Variants in POU6F2 observed in about 807,000 individuals in gnomAD.
POU6F2 encodes the protein POU domain, class 6, transcription factor 2.
Under a neutral mutation model 71.3 loss-of-function variants are expected in POU6F2, and 31 were observed. The observed-to-expected ratio is 0.43, with a 90% CI of 0.33 to 0.59. The LOEUF (loss-of-function observed/expected upper bound fraction) is 0.59, where lower values mean the gene tolerates loss of function less well. Ranked by LOEUF, POU6F2 falls within the 20% of genes least tolerant of loss-of-function variation. POU6F2 has a pLI of 0.04. For missense variants in POU6F2, 783 were observed against 856.8 expected (o/e 0.91, Z 1.07); for synonymous variants, 347 against 355.7 (o/e 0.98, Z 0.27).
At chr7:39,239,336 A>C (rs1783666032) in intron 4 of POU6F2, among the ~76,000 whole-genome samples, 1 of 151,876 alleles carries the variant, frequency 6.6e-6, no homozygotes, top group East Asian at 1.9e-4. Flanking sequence ...AAAATCCAAA[A>C]AAATCTCTGA....
chr7:39,085,629 G>T, intron 1 of POU6F2: 7 of 337,062 alleles, frequency 2.1e-5, no homozygotes, highest in Non-Finnish European at 3.3e-5. Flanking sequence ...CATGCTAGTT[G>T]AGCTTTAATA....
intron 2 of POU6F2, among the ~76,000 whole-genome samples, chr7:39,198,533 T>C (rs901093752): frequency 6.6e-6 from 1 of 152,208 alleles, no homozygotes; most frequent in Non-Finnish European, 1.5e-5. Flanking sequence ...TTCATATTAA[T>C]GTAATCAGAC....
intron 2 of POU6F2, among the ~76,000 whole-genome samples, chr7:39,156,217 G>A (rs2128735551): frequency 6.6e-6 from 1 of 152,118 alleles, no homozygotes; most frequent in Admixed American, 6.6e-5. Flanking sequence ...GTGGATTACA[G>A]TATGATCGTA....
chr7:39,137,435 G>T (rs537658602), intron 2 of POU6F2, among the ~76,000 whole-genome samples: 1 of 152,204 alleles, frequency 6.6e-6, no homozygotes, highest in South Asian at 2.1e-4. Context: ...CAAATATATT[G>T]TTAAGTGAAA....
intron 2 of POU6F2, among the ~76,000 whole-genome samples, chr7:39,144,300 G>A (rs937747014): frequency 1.3e-5 from 2 of 152,188 alleles, no homozygotes; most frequent in African/African-American, 4.8e-5. Flanking sequence ...GGAAGAGTCT[G>A]TTATTTTAAA....
In POU6F2 at chr7:39,440,758, G is replaced by A. The variant is rs188655253; in HGVS notation, c.1320+7475G>A. On this transcript the variant is annotated intron_variant, in intron 7 of 9. Coordinates refer to ENST00000518318, the MANE Select transcript of POU6F2 (RefSeq NM_001370959.1). The stretch of plus-strand genomic sequence containing the variant: ...GTTGTGATCATTTGGAGGAGAAGAG[G>A]CACTCTGATCTTTTGGGTTTTCAGC... Among the ~76,000 whole-genome samples, 300 of 152,242 alleles carry A rather than the reference G, an allele frequency of 2.0e-3. 1 individual carries two copies. The highest frequency in any genetic ancestry group is 2.7e-3 in the South Asian group (13 of 4,814).
rs1045353813 is a variant in POU6F2 at position 39,008,415 on chromosome 7, G to C, written c.105+30357G>C. Among the ~76,000 whole-genome samples, 626 of 152,118 alleles carry C rather than the reference G, an allele frequency of 4.1e-3. 2 individuals are homozygous for C. The highest frequency in any genetic ancestry group is 0.01 in the Middle Eastern group (3 of 294). ...TTGTTTGAGTTCATTGTAGATTCTG[G>C]ATATTTGCCCTTTGTCAGATGAGTA... On this transcript the variant is annotated intron_variant, in intron 1 of 9. Transcript: ENST00000518318.
chr7:39,227,704 G>A lies in POU6F2; in HGVS notation c.598+20084G>A, dbSNP rs150125026. 1.6e-3 allele frequency among the ~76,000 whole-genome samples: 239 copies of A among 152,106 alleles called. 1 individual carries two copies. Among genetic ancestry groups the A allele is most frequent in the African/African-American group, 5.4e-3 (224 of 41,490 alleles). ...CGAGTAGCTGGGGCTACAGGCATCC[G>A]CCACCACGCTTGGCTAATTTTGTTT... On this transcript the variant is annotated intron_variant, in intron 4 of 9. Coordinates refer to ENST00000518318, the MANE Select transcript of POU6F2 (RefSeq NM_001370959.1).
At chr7:39,162,105 CAT>C (rs1375744359) in intron 2 of POU6F2, among the ~76,000 whole-genome samples, 3 of 152,022 alleles carry the variant, frequency 2.0e-5, no homozygotes, top group Non-Finnish European at 2.9e-5. Context: ...TTTTATAGGA[CAT>C]GTGGTCAGGG....
intron 4 of POU6F2, among the ~76,000 whole-genome samples, chr7:39,217,051 T>C (rs1004112308): frequency 2.6e-5 from 4 of 152,196 alleles, no homozygotes; most frequent in African/African-American, 9.7e-5. Flanking sequence ...GGTTTTATTT[T>C]GAAATCCGAA....
In POU6F2 at chr7:39,087,149, TTAA is replaced by T. The variant is rs1562700859; in HGVS notation, c.277+1120_277+1122del. 3.7e-5 allele frequency among the ~76,000 whole-genome samples: 4 copies of T among 106,806 alleles called. No individual in the cohort carries two copies. The South Asian group carries it at 8.0e-4, about 21-fold the overall frequency. 70.1% of individuals were successfully genotyped at this position (106,806 alleles called of 152,430 possible). On this transcript the variant is annotated intron_variant, in intron 2 of 9. Coordinates refer to ENST00000518318, the MANE Select transcript of POU6F2 (RefSeq NM_001370959.1). ...CGGCTTGAAACACAGGCTTTATTAA[TTAA>T]TTAATTAATTTATTTATTTATTTAT...
intron 1 of POU6F2, among the ~76,000 whole-genome samples, chr7:39,036,634 A>C (rs1415664341): frequency 6.6e-6 from 1 of 151,738 alleles, no homozygotes; most frequent in Admixed American, 6.6e-5. Flanking sequence ...TTGTGAAAGG[A>C]ATACAATGCT....
At chr7:39,426,882 A>T (rs1787986440) in intron 6 of POU6F2, among the ~76,000 whole-genome samples, 1 of 152,214 alleles carries the variant, frequency 6.6e-6, no homozygotes, top group Non-Finnish European at 1.5e-5. Flanking sequence ...TAAATCCAGC[A>T]CATAGTCTAG....
At chr7:39,378,552 G>A (rs1372071509) in intron 5 of POU6F2, among the ~76,000 whole-genome samples, 1 of 152,192 alleles carries the variant, frequency 6.6e-6, no homozygotes, top group African/African-American at 2.4e-5. Flanking sequence ...AGCAAGTCCT[G>A]ACTCTGCCTC....
rs898818712 is a variant in POU6F2 at position 39,466,022 on chromosome 7, G to A, written c.*1336G>A. ...AGCAACTGGATCATTAAAGGCCATC[G>A]TGTATCCTGTTAATCTCATCTTTTC... On this transcript the variant is annotated 3_prime_UTR_variant, in exon 10 of 10. Transcript: ENST00000518318. 6.6e-6 allele frequency: 1 copy of A among 152,164 alleles called. No homozygotes were observed. The highest frequency in any genetic ancestry group is 1.5e-5 in the Non-Finnish European group (1 of 68,032). The allele number at this position is 152,164 out of a possible 1,614,324, so 9.4% of individuals were successfully genotyped here. A position where few individuals can be genotyped will look rare whatever the true frequency, so the allele number is the denominator to read the frequency against.
At chr7:39,060,575 G>A (rs2128715948) in intron 1 of POU6F2, among the ~76,000 whole-genome samples, 1 of 152,288 alleles carries the variant, frequency 6.6e-6, no homozygotes, top group Admixed American at 6.5e-5. Flanking sequence ...TATTGTCCGA[G>A]TATGAGAGAA....
At chr7:39,402,258 TC>T (rs1016484350) in intron 5 of POU6F2, among the ~76,000 whole-genome samples, 6 of 152,194 alleles carry the variant, frequency 3.9e-5, no homozygotes, top group Admixed American at 2.6e-4. Flanking sequence ...GCTTTTTTTC[TC>T]ATCACCATTT....
intron 6 of POU6F2, among the ~76,000 whole-genome samples, chr7:39,420,618 T>A (rs1787829213): frequency 6.6e-6 from 1 of 152,198 alleles, no homozygotes; most frequent in Non-Finnish European, 1.5e-5. Context: ...ATGCTCCAAT[T>A]TTTTTAGCAA....
At chr7:39,116,307 C>T (rs1791928435) in intron 2 of POU6F2, among the ~76,000 whole-genome samples, 1 of 152,114 alleles carries the variant, frequency 6.6e-6, no homozygotes, top group African/African-American at 2.4e-5. Flanking sequence ...ATCTCTTGAG[C>T]CTAGGAGGTC....
Sources: allele counts gnomAD v4.1 joint callset (sites outside exome capture counted in the v4.1 genomes callset), GRCh38; gene constraint gnomAD v4.1.1; transcripts MANE v1.5; gene names NCBI Gene and HGNC (gene_info 2026-07-23, HGNC 2026-07-21).